Variants in RREB1 observed in about 807,000 individuals in gnomAD.
RREB1 encodes the protein ras responsive element binding protein 1, also known as ras-responsive element-binding protein 1.
A neutral mutation model predicts 117.8 loss-of-function variants in RREB1; 27 were observed. The ratio of observed to expected loss-of-function variants is 0.23; its 90% CI spans 0.17 to 0.32. The LOEUF (loss-of-function observed/expected upper bound fraction) is 0.32. Among genes scored for constraint, RREB1 ranks in the 10% least tolerant of loss-of-function variants. The pLI is 1.00. For missense variants in RREB1, 2,577 were observed against 2,378.2 expected (o/e 1.08, Z -1.74); for synonymous variants, 1,298 against 1,026.7 (o/e 1.26, Z -5.05).
chr6:7,247,277 C>A, intron 12 of RREB1, 56 bp downstream of exon 12: 1 of 1,491,814 alleles, frequency 6.7e-7, no homozygotes. Context: ...CCGGGCACCT[C>A]TCCTAGGAGC....
intron 11 of RREB1, among the ~76,000 whole-genome samples, 189 bp from the exon 12 acceptor site, chr6:7,246,235 C>T (rs1769008245): frequency 6.6e-6 from 1 of 152,202 alleles, no homozygotes; most frequent in Non-Finnish European, 1.5e-5. Context: ...TGCCTTTCTT[C>T]ACGTCCCCAG....
chr6:7,112,017 T>C (rs1224715888), intron 1 of RREB1, among the ~76,000 whole-genome samples: 1 of 152,228 alleles, frequency 6.6e-6, no homozygotes. Context: ...AATAGCTTTC[T>C]TTCCCCCTTT....
chr6:7,238,771 G>A (rs1212239146), intron 10 of RREB1, among the ~76,000 whole-genome samples: 2 of 152,108 alleles, frequency 1.3e-5, no homozygotes, highest in Non-Finnish European at 2.9e-5. Context: ...TGCCCTTTCC[G>A]GGTTTCTAAT....
Position 7,189,150 on chromosome 6 carries a change from T to C in RREB1, c.262-9T>C, listed in dbSNP as rs867610381. Reference sequence around the variant, plus strand: ...CTTAAGTGACCGCTGTGACCATTGCTTTCTGCAGCACAACACAGACACTGG... The same window carrying C: ...CTTAAGTGACCGCTGTGACCATTGCCTTCTGCAGCACAACACAGACACTGG... On this transcript the variant is annotated splice_polypyrimidine_tract_variant and intron_variant, in intron 5 of 12. Coordinates refer to ENST00000379938, the MANE Select transcript of RREB1 (RefSeq NM_001003699.4). The C allele has an allele frequency of 5.6e-6, 9 of 1,610,776 alleles. No individual in the cohort carries two copies. In the African/African-American group the frequency reaches 8.0e-5, roughly 14 times the overall value.
At chr6:7,227,102 G>A (rs749189643) in intron 9 of RREB1, among the ~76,000 whole-genome samples, 34 of 152,286 alleles carry the variant, frequency 2.2e-4, no homozygotes, top group Non-Finnish European at 3.5e-4. Context: ...TTAGCCAGGC[G>A]TGGTGGTGTG....
intron 1 of RREB1, among the ~76,000 whole-genome samples, chr6:7,109,432 C>G (rs3904600): frequency 0.46 from 69,868 of 151,338 alleles, 19,522 homozygotes; most frequent in Non-Finnish European, 0.63. Flanking sequence ...AAGGGCGCGT[C>G]GAGGATGTGA....
intron 11 of RREB1, among the ~76,000 whole-genome samples, chr6:7,246,004 TTGTA>T (rs1407163066): frequency 1.3e-5 from 2 of 152,176 alleles, no homozygotes; most frequent in Non-Finnish European, 2.9e-5. Context: ...TGTTGCATGT[TTGTA>T]TGATCTCTTT....
intron 1 of RREB1, among the ~76,000 whole-genome samples, chr6:7,137,462 C>A (rs1412400010): frequency 1.3e-5 from 2 of 152,194 alleles, no homozygotes; most frequent in African/African-American, 4.8e-5. Flanking sequence ...GCAGGAAGTG[C>A]CTTTGATAAA....
intron 10 of RREB1, among the ~76,000 whole-genome samples, chr6:7,232,822 C>T (rs976780666): frequency 2.0e-5 from 3 of 146,826 alleles, no homozygotes; most frequent in African/African-American, 5.1e-5. Context: ...AACTTCTGGG[C>T]TCAAGCAGTT....
chr6:7,109,726 G>A (rs1198063056), intron 1 of RREB1, among the ~76,000 whole-genome samples: 2 of 152,192 alleles, frequency 1.3e-5, no homozygotes, highest in African/African-American at 4.8e-5. Flanking sequence ...AGATCCGGAC[G>A]AGCAGTTCAC....
At position 7,186,728 on chromosome 6, in the gene RREB1, A is replaced by G. The variant is rs758439213; in HGVS notation, c.172-706A>G. 9.7e-4 allele frequency among the ~76,000 whole-genome samples: 148 copies of G among 152,222 alleles called. 1 individual carries two copies. The highest frequency in any genetic ancestry group is 2.0e-3 in the Non-Finnish European group (139 of 68,038). Reference sequence around the variant, plus strand: ...CTGCTTGACCTGTGCATTCTGAGGGAACATAAAAGGAGCCCCCTCACCAAG... The same window carrying G: ...CTGCTTGACCTGTGCATTCTGAGGGGACATAAAAGGAGCCCCCTCACCAAG... On this transcript the variant is annotated intron_variant, in intron 4 of 12. Transcript: ENST00000379938.
At chr6:7,130,109 G>T (rs1246645033) in intron 1 of RREB1, among the ~76,000 whole-genome samples, 2 of 152,154 alleles carry the variant, frequency 1.3e-5, no homozygotes, top group African/African-American at 4.8e-5. Context: ...GCCTGTTGCT[G>T]TTCTCTGCCT....
At chr6:7,122,143 C>T (rs755275217) in intron 1 of RREB1, among the ~76,000 whole-genome samples, 4 of 152,246 alleles carry the variant, frequency 2.6e-5, no homozygotes, top group Non-Finnish European at 5.9e-5. Flanking sequence ...CTCAGGTGAG[C>T]ATGCTCCAAA....
intron 1 of RREB1, among the ~76,000 whole-genome samples, chr6:7,176,272 A>C (rs1439330871): frequency 1.3e-5 from 2 of 152,160 alleles, no homozygotes; most frequent in Non-Finnish European, 2.9e-5. Flanking sequence ...TGATAGCACT[A>C]ATTGCTGCCT....
At chr6:7,192,652 C>T (rs1765472037) in intron 6 of RREB1, among the ~76,000 whole-genome samples, 1 of 152,152 alleles carries the variant, frequency 6.6e-6, no homozygotes, top group Admixed American at 6.5e-5. Context: ...CTTTCTTTCA[C>T]TCCTAACTAT....
At chr6:7,146,524 C>G (rs1762869002) in intron 1 of RREB1, among the ~76,000 whole-genome samples, 1 of 152,090 alleles carries the variant, frequency 6.6e-6, no homozygotes, top group African/African-American at 2.4e-5. Flanking sequence ...TTAGCTCTGA[C>G]TTAGGGGACG....
At position 7,192,116 on chromosome 6, in the gene RREB1, A is replaced by ATTTTTTTTTTTTT. The variant is rs34074532; in HGVS notation, c.425+2809_425+2821dup. On this transcript the variant is annotated intron_variant, in intron 6 of 12. Transcript: ENST00000379938. ...AAAAGGTATTGGATTTTGTCAGATG[A>ATTTTTTTTTTTTT]TTTTTTTTTTTTTTTTTTTTTTTTT... 6.5e-4 allele frequency among the ~76,000 whole-genome samples: 10 copies of ATTTTTTTTTTTTT among 15,318 alleles called. 1 individual carries two copies. The highest frequency in any genetic ancestry group is 1.2e-3 in the African/African-American group (4 of 3,352). 10.0% of individuals were successfully genotyped at this position (15,318 alleles called of 152,430 possible).
At position 7,230,175 on chromosome 6, in the gene RREB1, G is replaced by C. The variant is rs1303053319; in HGVS notation, c.2076G>C (p.Thr692=). The change falls in exon 10 of 13, where the codon ACG becomes ACC. Residue 692 remains threonine (T), a synonymous_variant. Transcript: ENST00000379938. ...DKAALIRHLR[T]HSGERPYICK... ...CCGCGCTCATCCGCCACCTGCGCAC[G>C]CACAGTGGGGAGCGGCCCTACATTT... is the stretch of plus-strand genomic sequence containing the variant. The C allele has an allele frequency of 6.2e-7, 1 of 1,606,808 alleles. No individual in the cohort carries two copies. Among genetic ancestry groups the C allele is most frequent in the Admixed American group, 1.7e-5 (1 of 60,028 alleles).
chr6:7,135,004 A>G (rs1374071806), intron 1 of RREB1, among the ~76,000 whole-genome samples: 8 of 152,220 alleles, frequency 5.3e-5, no homozygotes, highest in Non-Finnish European at 1.2e-4. Context: ...GAATGCAATC[A>G]GCCAGATTGT....
Sources: allele counts gnomAD v4.1 joint callset (sites outside exome capture counted in the v4.1 genomes callset), GRCh38; gene constraint gnomAD v4.1.1; transcripts MANE v1.5; gene names NCBI Gene and HGNC (gene_info 2026-07-23, HGNC 2026-07-21).